The following MATN3 variants were observed in gnomAD, a reference collection of about 807,000 sequenced individuals.
MATN3 encodes matrilin 3, also known as matrilin-3.
MATN3 carries 48 observed loss-of-function variants against 45.3 expected under a neutral mutation model. The ratio of observed to expected loss-of-function variants is 1.06; its 90% CI spans 0.84 to 1.35. The LOEUF is 1.35. Among genes scored for constraint, MATN3 ranks in the 40% most tolerant of loss-of-function variants. The pLI is 0.00. For missense variants in MATN3, 599 were observed against 628.0 expected, an observed-to-expected ratio of 0.95 and a Z score of 0.49; for synonymous variants, 217 against 245.9, an observed-to-expected ratio of 0.88 and a Z score of 1.10.
chr2:19,997,190 T>TA lies in MATN3; in HGVS notation c.1237dup (p.Tyr413LeufsTer4), dbSNP rs1672889324. 2.5e-6 allele frequency: 4 copies of TA among 1,613,764 alleles called. No individual in the cohort carries two copies. In the South Asian group the frequency reaches 4.4e-5, roughly 18 times the overall value. ...GTAGCCAGGATAGCAATCACAGTGGTAGGATGCGGCCCCATCACTCACACA... is the reference window on the plus strand; with the variant it reads ...GTAGCCAGGATAGCAATCACAGTGGTAAGGATGCGGCCCCATCACTCACACA... On this transcript the variant is annotated frameshift_variant, in exon 6 of 8. Transcript: ENST00000407540. LOFTEE classifies it high-confidence loss of function.
chr2:20,002,105 T>C, intron 3 of MATN3, 25 bp from the exon 4 acceptor site: 1 of 1,604,694 alleles, frequency 6.2e-7, no homozygotes, highest in African/African-American at 1.3e-5. Context: ...TTGGGACAAA[T>C]GTAAATGCAT....
In MATN3 at chr2:20,012,327, G is replaced by A; in HGVS notation, c.223+82C>T. 1 of 1,101,868 alleles carries A rather than the reference G, an allele frequency of 9.1e-7. No individual in the cohort carries two copies. The allele number at this position is 1,101,868 out of a possible 1,614,324, so 68.3% of individuals were successfully genotyped here. ...TCCCCCGCACCACGGTCGGCCTGAG[G>A]CCGGGATGAAGCGCGCTTGGTGGAT... On this transcript the variant is annotated intron_variant, in intron 1 of 7. Transcript: ENST00000407540. This position sits in a 1 kb window ranked among gnomAD's most constrained non-coding sequence, Gnocchi z 4.3.
At chr2:20,010,010 G>T (rs1213450817) in intron 1 of MATN3, among the ~76,000 whole-genome samples, 1 of 136,958 alleles carries the variant, frequency 7.3e-6, no homozygotes, top group African/African-American at 2.8e-5. Flanking sequence ...CCTCTTGAGG[G>T]CTGTGTCACA....
intron 7 of MATN3, 26 bp downstream of exon 7, chr2:19,994,273 A>G (rs1209394193): frequency 1.3e-6 from 2 of 1,506,748 alleles, no homozygotes; most frequent in Non-Finnish European, 1.8e-6. Flanking sequence ...TCCAGGCAGA[A>G]GGAGAAAACC....
chr2:20,002,583 C>A (rs1170146821), intron 3 of MATN3, among the ~76,000 whole-genome samples: 1 of 151,990 alleles, frequency 6.6e-6, no homozygotes, highest in Non-Finnish European at 1.5e-5. Context: ...GAATCTTGGA[C>A]CCGTTTCTTT....
intron 6 of MATN3, 132 bp from the exon 7 acceptor site, chr2:19,994,541 GGATA>G: frequency 1.7e-6 from 1 of 601,700 alleles, no homozygotes; most frequent in Non-Finnish European, 2.9e-6. Flanking sequence ...AGAGGTAAAG[GGATA>G]GATGAACAAA....
At position 20,000,375 on chromosome 2, in the gene MATN3, G is replaced by A. The variant is rs974234929; in HGVS notation, c.1168+66C>T. The A allele has an allele frequency of 3.5e-6, 5 of 1,436,990 alleles. No individual in the cohort carries two copies. The Admixed American group carries it at 1.1e-4, about 31-fold the overall frequency. 89.0% of individuals were successfully genotyped at this position (1,436,990 alleles called of 1,614,324 possible). ...AGTTACCTTTAAAAACCTCTTTGCT[G>A]GTGAGTTGCAAGTTGGTTTCATGTG... is the stretch of plus-strand genomic sequence containing the variant. On this transcript the variant is annotated intron_variant, in intron 5 of 7. Transcript: ENST00000407540.
chr2:20,010,629 G>A (rs1022005241), intron 1 of MATN3, among the ~76,000 whole-genome samples: 5 of 152,148 alleles, frequency 3.3e-5, no homozygotes, highest in African/African-American at 7.2e-5. Flanking sequence ...GAAGAAAAAG[G>A]CCATAAGCCA....
At position 20,012,359 on chromosome 2, in the gene MATN3, G is replaced by A. The variant is rs1486761989; in HGVS notation, c.223+50C>T. On this transcript the variant is annotated intron_variant, in intron 1 of 7. Coordinates refer to ENST00000407540, the MANE Select transcript of MATN3 (RefSeq NM_002381.5). The surrounding 1 kb of genome is among the most constrained non-coding windows in gnomAD (Gnocchi z 4.3). Reference sequence around the variant, plus strand: ...TGAAGCGCGCTTGGTGGATGCCCTGGGCTTCTCCTCGTTCGATGCTCACGC... The same window carrying A: ...TGAAGCGCGCTTGGTGGATGCCCTGAGCTTCTCCTCGTTCGATGCTCACGC... 6.1e-5 allele frequency: 73 copies of A among 1,205,112 alleles called. 1 individual carries two copies. The highest frequency in any genetic ancestry group is 7.5e-5 in the Non-Finnish European group (72 of 965,436). 74.7% of individuals were successfully genotyped at this position (1,205,112 alleles called of 1,614,324 possible).
intron 7 of MATN3, among the ~76,000 whole-genome samples, chr2:19,993,768 C>T (rs1164717553): frequency 1.3e-5 from 2 of 152,198 alleles, no homozygotes; most frequent in Admixed American, 6.5e-5. Context: ...TACATAGGAA[C>T]AGAGTTGTTA....
At position 20,005,718 on chromosome 2, in the gene MATN3, T is replaced by A. The variant is rs770303469; in HGVS notation, c.790+26A>T. On this transcript the variant is annotated intron_variant, in intron 2 of 7. Transcript: ENST00000407540. Reference sequence around the variant, plus strand: ...TGTCTGAATATAACATCCTTTCTAGTTGGAAGCAAAGACTGACCAACTTAC... The same window carrying A: ...TGTCTGAATATAACATCCTTTCTAGATGGAAGCAAAGACTGACCAACTTAC... 7 of 1,514,468 alleles carry A rather than the reference T, an allele frequency of 4.6e-6. No homozygotes were observed. In the African/African-American group the frequency reaches 9.7e-5, roughly 21 times the overall value. The allele number at this position is 1,514,468 out of a possible 1,614,324, so 93.8% of individuals were successfully genotyped here.
In MATN3 at chr2:20,006,136, A is replaced by G. The variant is rs1200338447; in HGVS notation, c.398T>C (p.Ile133Thr). 1 of 1,613,958 alleles carries G rather than the reference A, an allele frequency of 6.2e-7. No homozygotes were observed. The highest frequency in any genetic ancestry group is 8.5e-7 in the Non-Finnish European group (1 of 1,179,888). Reference protein sequence around the residue: ...AVVNYASTVKIEFQLQAYTDK... With the variant: ...AVVNYASTVKTEFQLQAYTDK... ...TGTGTAGGCCTGGAGTTGGAACTCG[A>G]TCTTCACAGTGCTAGCATAGTTCAC... Residue 133 changes from isoleucine (I) to threonine (T), a missense_variant, in exon 2 of 8, where the codon ATC becomes ACC. Ile to Thr is a moderately conservative substitution (Grantham distance 89). Coordinates refer to ENST00000407540, the MANE Select transcript of MATN3 (RefSeq NM_002381.5).
At chr2:19,999,626 T>TA (rs56100312) in intron 5 of MATN3, among the ~76,000 whole-genome samples, 9,851 of 119,890 alleles carry the variant, frequency 0.082, 420 homozygotes, top group East Asian at 0.21. Flanking sequence ...GGTTTCCCTT[T>TA]AAAAAAAAAA....
chr2:20,000,781 T>C (rs184084012), intron 4 of MATN3, among the ~76,000 whole-genome samples: 1 of 152,346 alleles, frequency 6.6e-6, no homozygotes, highest in East Asian at 1.9e-4. Flanking sequence ...ACAATTGCTT[T>C]TGGAAATCAT....
chr2:20,004,557 T>G (rs1572385002), intron 2 of MATN3, among the ~76,000 whole-genome samples: 1 of 152,358 alleles, frequency 6.6e-6, no homozygotes, highest in South Asian at 2.1e-4. Flanking sequence ...CAAGTCTGAC[T>G]GCAATGAGGC....
At chr2:20,011,532 G>T (rs57945861) in intron 1 of MATN3, among the ~76,000 whole-genome samples, 9,482 of 152,322 alleles carry the variant, frequency 0.062, 530 homozygotes, top group African/African-American at 0.14. Context: ...GAGGCATGCA[G>T]CGTGGCTGGC....
chr2:20,012,532 G>A lies in MATN3; in HGVS notation c.100C>T (p.Pro34Ser). The A allele has an allele frequency of 8.2e-7, 1 of 1,226,966 alleles. No individual in the cohort carries two copies. Among genetic ancestry groups the A allele is most frequent in the Non-Finnish European group, 1.0e-6 (1 of 985,020 alleles). 76.0% of individuals were successfully genotyped at this position (1,226,966 alleles called of 1,614,324 possible). ...PSAAPDPVAR[P>S]GFRRLETRGP... ...CGGGTCTCCAGCCTCCGGAAGCCCG[G>A]GCGGGCCACGGGGTCGGGGGCGGCG... Residue 34 changes from proline (P) to serine (S), a missense_variant, in exon 1 of 8, where the codon CCG (proline) becomes TCG (serine). Coordinates refer to ENST00000407540, the MANE Select transcript of MATN3 (RefSeq NM_002381.5). The surrounding 1 kb of genome is among the most constrained non-coding windows in gnomAD (Gnocchi z 4.3).
At position 20,000,513 on chromosome 2, in the gene MATN3, C is replaced by A. The variant is rs150154167; in HGVS notation, c.1096G>T (p.Asp366Tyr). The part of the protein sequence containing the change: ...THGCQHICVN[D>Y]RTGSHHCECY... ...TCACAATGATGGGACCCTGTTCTGT[C>A]ATTCACACAAATGTGCTGACACCCA... is the stretch of plus-strand genomic sequence containing the variant. Residue 366 changes from aspartate (D) to tyrosine (Y), a missense_variant, in exon 5 of 8, where the codon GAC becomes TAC. Asp to Tyr is a radical substitution (Grantham distance 160). Transcript: ENST00000407540. 226 of 1,612,698 alleles carry A rather than the reference C, an allele frequency of 1.4e-4. 1 individual carries two copies. In the African/African-American group the frequency reaches 2.8e-3, roughly 20 times the overall value.
Position 19,995,037 on chromosome 2 carries a change from C to T in MATN3, c.1295-628G>A, listed in dbSNP as rs373683680. ...CCCAGGAGTTCAAGGCTGCAGTGAG[C>T]CATGATCACACCACTGCACTCCAGC... On this transcript the variant is annotated intron_variant, in intron 6 of 7. Transcript: ENST00000407540. This position sits in a 1 kb window ranked among gnomAD's most constrained non-coding sequence, Gnocchi z 4.2. Among the ~76,000 whole-genome samples, 87 of 152,232 alleles carry T rather than the reference C, an allele frequency of 5.7e-4. No homozygotes were observed. In the Middle Eastern group the frequency reaches 0.02, roughly 36 times the overall value.
Sources: allele counts gnomAD v4.1 joint callset (sites outside exome capture counted in the v4.1 genomes callset), GRCh38; gene constraint gnomAD v4.1.1; non-coding constraint Gnocchi (gnomAD v3.1); transcripts MANE v1.5; gene names NCBI Gene and HGNC (gene_info 2026-07-23, HGNC 2026-07-21).